PHKB: variants seen among roughly 807,000 people sequenced by gnomAD.
PHKB encodes phosphorylase b kinase regulatory subunit beta.
PHKB carries 122 observed loss-of-function variants against 152.1 expected under a neutral mutation model. The ratio of observed to expected loss-of-function variants is 0.80; its 90% CI spans 0.69 to 0.93. PHKB has a LOEUF of 0.93. Ranked by LOEUF, PHKB falls within the 40% of genes least tolerant of loss-of-function variation. The pLI is 0.00. For synonymous variants in PHKB, 436 were observed against 464.9 expected, an observed-to-expected ratio of 0.94 and a Z score of 0.80; for missense variants, 1,304 against 1,328.4, an observed-to-expected ratio of 0.98 and a Z score of 0.29.
intron 8 of PHKB, among the ~76,000 whole-genome samples, chr16:47,582,904 C>G (rs537418888): frequency 4.1e-4 from 63 of 152,330 alleles, no homozygotes; most frequent in African/African-American, 1.4e-3. Context: ...TCAAGCGATT[C>G]TCCTGCCTCA....
chr16:47,566,748 T>C lies in PHKB; in HGVS notation c.711-13547T>C. On this transcript the variant is annotated intron_variant, in intron 7 of 30. Coordinates refer to ENST00000323584, the MANE Select transcript of PHKB (RefSeq NM_000293.3). The stretch of plus-strand genomic sequence containing the variant: ...ATTACTGTTCCAAGTTGTTGAAATA[T>C]CTCCTTCCAGGTCATCTGTTTCATG... 6 of 756,236 alleles carry C rather than the reference T, an allele frequency of 7.9e-6. No homozygotes were observed. In the South Asian group the frequency reaches 8.1e-5, roughly 10 times the overall value. 46.8% of individuals were successfully genotyped at this position (756,236 alleles called of 1,614,324 possible). A position where few individuals can be genotyped will look rare whatever the true frequency, so the allele number is the denominator to read the frequency against.
At chr16:47,610,234 C>T (rs1972402562) in intron 13 of PHKB, among the ~76,000 whole-genome samples, 1 of 134,110 alleles carries the variant, frequency 7.5e-6, no homozygotes, top group Admixed American at 8.6e-5. Context: ...TGGTCTCAAA[C>T]TCCTGACCTT....
At chr16:47,691,079 G>A (rs895018765) in intron 27 of PHKB, among the ~76,000 whole-genome samples, 1 of 151,892 alleles carries the variant, frequency 6.6e-6, no homozygotes, top group African/African-American at 2.4e-5. Context: ...TAAGAAAAGT[G>A]CACAACATCA....
intron 7 of PHKB, among the ~76,000 whole-genome samples, chr16:47,573,618 G>T (rs1971700102): frequency 6.6e-6 from 1 of 152,158 alleles, no homozygotes; most frequent in African/African-American, 2.4e-5. Context: ...GCCCCTGGTT[G>T]TAAGTCCTTC....
intron 18 of PHKB, among the ~76,000 whole-genome samples, chr16:47,649,953 A>AAT (rs1201600316): frequency 6.6e-6 from 1 of 152,214 alleles, no homozygotes; most frequent in African/African-American, 2.4e-5. Context: ...AATTTAATCA[A>AAT]ATAAAGAGCT....
chr16:47,682,679 A>C (rs1973884108), intron 26 of PHKB, among the ~76,000 whole-genome samples: 2 of 152,080 alleles, frequency 1.3e-5, no homozygotes, highest in South Asian at 2.1e-4. Flanking sequence ...CTTTTTTCAC[A>C]GTTTTTAACT....
At chr16:47,500,757 A>G (rs934502759) in intron 3 of PHKB, among the ~76,000 whole-genome samples, 2 of 152,162 alleles carry the variant, frequency 1.3e-5, no homozygotes, top group African/African-American at 4.8e-5. Flanking sequence ...TTATTTCATT[A>G]TATGTAGAAA....
intron 7 of PHKB, chr16:47,547,751 A>C: frequency 1.9e-6 from 1 of 531,472 alleles, no homozygotes; most frequent in Non-Finnish European, 3.4e-6. Context: ...GCAAGAAAGA[A>C]GTAGGTGTCT....
intron 26 of PHKB, among the ~76,000 whole-genome samples, chr16:47,669,705 T>C (rs1209249432): frequency 6.6e-6 from 1 of 152,214 alleles, no homozygotes; most frequent in East Asian, 1.9e-4. Context: ...TGTAAAACGC[T>C]AAGCACAGTA....
intron 1 of PHKB, among the ~76,000 whole-genome samples, chr16:47,479,200 C>T (rs1030551305): frequency 6.6e-6 from 1 of 152,088 alleles, no homozygotes; most frequent in Non-Finnish European, 1.5e-5. Context: ...AGGTGGAGAA[C>T]TGATTGTGAT....
intron 7 of PHKB, among the ~76,000 whole-genome samples, chr16:47,551,135 C>T (rs1224708742): frequency 1.3e-5 from 2 of 151,984 alleles, no homozygotes; most frequent in Non-Finnish European, 2.9e-5. Context: ...TGGTAGTGGT[C>T]TATTTCGTTA....
intron 6 of PHKB, among the ~76,000 whole-genome samples, chr16:47,532,800 G>A (rs927464693): frequency 2.0e-5 from 3 of 152,260 alleles, no homozygotes; most frequent in African/African-American, 7.2e-5. Flanking sequence ...GGCAGGCAAG[G>A]GGCACGTTTC....
chr16:47,530,463 A>G (rs966256623), intron 6 of PHKB, among the ~76,000 whole-genome samples: 8 of 152,142 alleles, frequency 5.3e-5, no homozygotes, highest in Admixed American at 5.2e-4. Flanking sequence ...CTAAACTCCT[A>G]TTTAACATTG....
Position 47,688,951 on chromosome 16 carries a change from G to T in PHKB, c.2631-90G>T. The T allele has an allele frequency of 5.2e-6, 7 of 1,339,910 alleles. No homozygotes were observed. In the South Asian group the frequency reaches 7.0e-5, roughly 13 times the overall value. The allele number at this position is 1,339,910 out of a possible 1,614,324, so 83.0% of individuals were successfully genotyped here. ...CCTCTTCTTCATTCTCCTTTGAATG[G>T]GTCAGTGCTATTAAGGGCATTGCTG... is the stretch of plus-strand genomic sequence containing the variant. On this transcript the variant is annotated intron_variant, in intron 26 of 30. Transcript: ENST00000323584.
At chr16:47,547,320 G>C in intron 6 of PHKB, 113 bp from the exon 7 acceptor site, 1 of 703,222 alleles carries the variant, frequency 1.4e-6, no homozygotes, top group South Asian at 1.5e-5. Context: ...CCAACCTCAT[G>C]TAATCCCTCC....
intron 1 of PHKB, among the ~76,000 whole-genome samples, chr16:47,480,065 C>T (rs1969937527): frequency 6.6e-6 from 1 of 152,168 alleles, no homozygotes; most frequent in African/African-American, 2.4e-5. Context: ...TCTCCTGTCT[C>T]ATCTGTTTAT....
intron 30 of PHKB, 110 bp from the exon 31 acceptor site, chr16:47,699,119 A>G (rs1347875056): frequency 4.0e-6 from 4 of 1,001,786 alleles, no homozygotes; most frequent in East Asian, 2.4e-5. Flanking sequence ...TATTTTCCAT[A>G]AGGAAATCTT....
Position 47,470,511 on chromosome 16 carries a change from A to G in PHKB, c.76+9085A>G, listed in dbSNP as rs372927999. On this transcript the variant is annotated intron_variant, in intron 1 of 30. Transcript: ENST00000323584. ...CATCATGAACGTATCGCAGTGCTGC[A>G]GAGATTTTGTTTATGGCCAGTTTTG... is the stretch of plus-strand genomic sequence containing the variant. Among the ~76,000 whole-genome samples the G allele has an allele frequency of 1.1e-4, 16 of 152,332 alleles. 1 individual carries two copies. The South Asian group carries it at 3.3e-3, about 32-fold the overall frequency.
Position 47,658,184 on chromosome 16 carries a change from C to T in PHKB, c.1972-2322C>T, listed in dbSNP as rs561636582. 6.6e-4 allele frequency among the ~76,000 whole-genome samples: 100 copies of T among 152,312 alleles called. 1 individual carries two copies. The highest frequency in any genetic ancestry group is 2.1e-3 in the African/African-American group (87 of 41,568). ...TCTGTTTCAACCACACTTTCCTCCT[C>T]GCTGCTCTCAAAGACACTAAGCATG... On this transcript the variant is annotated intron_variant, in intron 20 of 30. Transcript: ENST00000323584.
Sources: gnomAD v4.1 joint callset for allele counts (sites outside exome capture counted in the v4.1 genomes callset) on GRCh38, gnomAD v4.1.1 for gene constraint, MANE v1.5 for transcripts, NCBI Gene and HGNC (gene_info 2026-07-23, HGNC 2026-07-21) for gene names.